PRKCE: variants seen among roughly 807,000 people sequenced by gnomAD.
PRKCE encodes protein kinase C epsilon type.
A neutral mutation model predicts 85.4 loss-of-function variants in PRKCE; 16 were observed. That is an observed-to-expected ratio of 0.19 (90% confidence interval 0.13 to 0.28). The LOEUF (loss-of-function observed/expected upper bound fraction) is 0.28. Among genes scored for constraint, PRKCE ranks in the 10% least tolerant of loss-of-function variants. PRKCE has a pLI of 1.00. For synonymous variants in PRKCE, 388 were observed against 371.5 expected (o/e 1.04, Z -0.51); for missense variants, 573 against 975.2 (o/e 0.59, Z 5.49).
chr2:46,051,731 A>G (rs1346165602), intron 10 of PRKCE, among the ~76,000 whole-genome samples: 3 of 152,322 alleles, frequency 2.0e-5, no homozygotes, highest in African/African-American at 7.2e-5. Flanking sequence ...ATGATGCTAT[A>G]TTAGTCTGTT....
intron 2 of PRKCE, among the ~76,000 whole-genome samples, chr2:45,892,337 A>T (rs534773913): frequency 6.6e-6 from 1 of 150,514 alleles, no homozygotes; most frequent in African/African-American, 2.5e-5. Context: ...TGTTCTTTGT[A>T]TTTCTCTTAT....
chr2:45,826,817 C>T (rs187784822), intron 1 of PRKCE, among the ~76,000 whole-genome samples: 15 of 152,302 alleles, frequency 9.8e-5, no homozygotes, highest in East Asian at 1.9e-4. Flanking sequence ...CGTGCAATCC[C>T]GCAGCAAATC....
chr2:45,866,215 T>A (rs1219454898), intron 2 of PRKCE, among the ~76,000 whole-genome samples: 1 of 152,236 alleles, frequency 6.6e-6, no homozygotes, highest in African/African-American at 2.4e-5. Context: ...CCTGGGGTTT[T>A]ACATGTGAAT....
Position 46,171,339 on chromosome 2 carries a change from G to T in PRKCE, c.2067+11587G>T, listed in dbSNP as rs539671080. Among the ~76,000 whole-genome samples the T allele has an allele frequency of 2.6e-5, 4 of 152,358 alleles. No homozygotes were observed. The South Asian group carries it at 8.3e-4, about 32-fold the overall frequency. ...AAATAACCCCAAAAGACTTGGTGGT[G>T]ATGGTGGCCTCTTGCACTGTGAGGG... On this transcript the variant is annotated intron_variant, in intron 14 of 14. Coordinates refer to ENST00000306156, the MANE Select transcript of PRKCE (RefSeq NM_005400.3).
At position 45,960,502 on chromosome 2, in the gene PRKCE, A is replaced by G. The variant is rs60151272; in HGVS notation, c.413-15927A>G. ...GGAAGGGCATTAGATTCTCATAAGAAGCCCCCAACCTAGATCCCTCACGTG... is the reference window on the plus strand; with the variant it reads ...GGAAGGGCATTAGATTCTCATAAGAGGCCCCCAACCTAGATCCCTCACGTG... On this transcript the variant is annotated intron_variant, in intron 2 of 14. Transcript: ENST00000306156. Among the ~76,000 whole-genome samples the G allele has an allele frequency of 0.035, 5,358 of 152,246 alleles. 412 individuals carry two copies. The East Asian group carries it at 0.37, about 11-fold the overall frequency.
At chr2:46,124,867 C>A (rs551675125) in intron 11 of PRKCE, among the ~76,000 whole-genome samples, 38 of 152,296 alleles carry the variant, frequency 2.5e-4, no homozygotes, top group African/African-American at 9.1e-4. Flanking sequence ...AAAAATATTT[C>A]TCCACTAGCA....
intron 2 of PRKCE, among the ~76,000 whole-genome samples, chr2:45,890,992 T>G (rs1014302159): frequency 3.9e-5 from 6 of 152,220 alleles, no homozygotes; most frequent in African/African-American, 1.4e-4. Context: ...GCTTGCTTTG[T>G]CTGCTCAGCA....
chr2:45,914,613 C>T (rs1411439524), intron 2 of PRKCE, among the ~76,000 whole-genome samples: 4 of 152,184 alleles, frequency 2.6e-5, no homozygotes, highest in Non-Finnish European at 4.4e-5. Flanking sequence ...GTTCCTCTTC[C>T]TCTCCCTGGA....
At chr2:45,926,286 G>T (rs187700441) in intron 2 of PRKCE, among the ~76,000 whole-genome samples, 4 of 152,314 alleles carry the variant, frequency 2.6e-5, no homozygotes, top group Admixed American at 2.0e-4. Flanking sequence ...ATGGGCAGAG[G>T]GGGGAATCAG....
At chr2:46,060,869 C>T (rs1039427582) in intron 10 of PRKCE, among the ~76,000 whole-genome samples, 1 of 151,354 alleles carries the variant, frequency 6.6e-6, no homozygotes, top group Non-Finnish European at 1.5e-5. Context: ...TCAAGTGATT[C>T]TCCTGCCTCA....
rs1473897183 is a variant in PRKCE, at chr2:46,086,198, C to T, written c.1438-10C>T. On this transcript the variant is annotated splice_polypyrimidine_tract_variant and intron_variant, in intron 10 of 14. Coordinates refer to ENST00000306156, the MANE Select transcript of PRKCE (RefSeq NM_005400.3). The stretch of plus-strand genomic sequence containing the variant: ...AATGACCCAAATGGCATTTTCTTCT[C>T]TCCTTTCAGGACCGCCTCTTTTTCG... 6.3e-6 allele frequency: 10 copies of T among 1,599,286 alleles called. No homozygotes were observed. The highest frequency in any genetic ancestry group is 7.6e-6 in the Non-Finnish European group (9 of 1,179,712).
intron 1 of PRKCE, among the ~76,000 whole-genome samples, chr2:45,833,811 C>G (rs1690630611): frequency 6.6e-6 from 1 of 152,202 alleles, no homozygotes; most frequent in Non-Finnish European, 1.5e-5. Context: ...AGTGGATTAT[C>G]TGCTTCAGAA....
chr2:45,728,315 T>G (rs1042535962), intron 1 of PRKCE, among the ~76,000 whole-genome samples: 4 of 152,234 alleles, frequency 2.6e-5, no homozygotes, highest in African/African-American at 7.2e-5. Flanking sequence ...TTTATTTTTA[T>G]AAGACCCTAA....
At chr2:45,949,277 A>G (rs193251589) in intron 2 of PRKCE, among the ~76,000 whole-genome samples, 14 of 152,286 alleles carry the variant, frequency 9.2e-5, no homozygotes, top group Admixed American at 5.2e-4. Context: ...TTAATGTCAG[A>G]TTTTAATTTT....
chr2:46,107,796 C>G (rs1671873273), intron 11 of PRKCE, among the ~76,000 whole-genome samples: 1 of 152,190 alleles, frequency 6.6e-6, no homozygotes, highest in African/African-American at 2.4e-5. Context: ...TTGCAATTCA[C>G]TAATGATAAA....
At chr2:45,831,740 A>G (rs1690441091) in intron 1 of PRKCE, among the ~76,000 whole-genome samples, 1 of 152,210 alleles carries the variant, frequency 6.6e-6, no homozygotes, top group Admixed American at 6.5e-5. Flanking sequence ...AGAGAAACCT[A>G]TATAAAAATT....
In PRKCE at chr2:45,909,376, A is replaced by G. The variant is rs79395403; in HGVS notation, c.412+66313A>G. On this transcript the variant is annotated intron_variant, in intron 2 of 14. Transcript: ENST00000306156. ...TTTCTCATTAGAGCTGATATTAACA[A>G]TTCAACAGACTTGCCAGTACTGTGC... Among the ~76,000 whole-genome samples the G allele has an allele frequency of 2.0e-3, 298 of 152,286 alleles. 1 individual carries two copies. Among genetic ancestry groups the G allele is most frequent in the African/African-American group, 6.9e-3 (288 of 41,582 alleles).
chr2:45,772,606 T>C (rs1685430868), intron 1 of PRKCE, among the ~76,000 whole-genome samples: 1 of 152,200 alleles, frequency 6.6e-6, no homozygotes, highest in African/African-American at 2.4e-5. Context: ...AGATAGGCTC[T>C]TCCCACAGTG....
intron 1 of PRKCE, among the ~76,000 whole-genome samples, chr2:45,779,976 C>T (rs1220614915): frequency 6.6e-6 from 1 of 152,218 alleles, no homozygotes; most frequent in Non-Finnish European, 1.5e-5. Flanking sequence ...CTCCCTACCT[C>T]ACTCCATAGG....
Sources: allele counts gnomAD v4.1 joint callset (sites outside exome capture counted in the v4.1 genomes callset), GRCh38; gene constraint gnomAD v4.1.1; transcripts MANE v1.5; gene names NCBI Gene and HGNC (gene_info 2026-07-23, HGNC 2026-07-21).